ZNG1F: variants seen among roughly 807,000 people sequenced by gnomAD.
The protein encoded by ZNG1F is zinc-regulated GTPase metalloprotein activator 1F.
chr9:41,148,963 AC>A, the ZNG1F span, among the ~76,000 whole-genome samples: 1 of 70,876 alleles, frequency 1.4e-5, no homozygotes, highest in African/African-American at 6.2e-5. Context: ...TAATCCCAGC[AC>A]TTTGGGAGGC....
chr9:41,169,079 C>T, the ZNG1F span, among the ~76,000 whole-genome samples: 1 of 144,816 alleles, frequency 6.9e-6, no homozygotes, highest in African/African-American at 2.6e-5. Context: ...TAATCATATA[C>T]AATTATAGCA....
chr9:41,183,661 C>T, the ZNG1F span: 7 of 1,605,818 alleles, frequency 4.4e-6, 1 homozygote, highest in African/African-American at 2.7e-5. Context: ...AGCGCACTTC[C>T]TAGAATAAAT....
At chr9:41,153,115 T>A in the ZNG1F span, among the ~76,000 whole-genome samples, 1 of 2,462 alleles carries the variant, frequency 4.1e-4, no homozygotes, top group African/African-American at 5.6e-4. Context: ...GCAAGACTAA[T>A]AAAGAAAAAA....
At chr9:41,193,759 G>T in the ZNG1F span, among the ~76,000 whole-genome samples, 1 of 151,836 alleles carries the variant, frequency 6.6e-6, no homozygotes, top group African/African-American at 2.4e-5. Flanking sequence ...AATTAGCTGG[G>T]TGTGGTGGCA....
the ZNG1F span, among the ~76,000 whole-genome samples, chr9:41,169,875 A>C: frequency 2.7e-4 from 39 of 142,768 alleles, no homozygotes; most frequent in Non-Finnish European, 4.7e-4. Context: ...AGAGAGAAAC[A>C]AAGGAACTCT....
At chr9:41,151,615 C>A in the ZNG1F span, among the ~76,000 whole-genome samples, 29 of 150,804 alleles carry the variant, frequency 1.9e-4, no homozygotes, top group South Asian at 6.4e-4. Flanking sequence ...GGTCGGGTTA[C>A]CCTCAAAGGG....
the ZNG1F span, among the ~76,000 whole-genome samples, chr9:41,205,236 C>T: frequency 1.5e-5 from 2 of 134,316 alleles, no homozygotes; most frequent in Non-Finnish European, 3.1e-5. Context: ...CTAGTAGCTT[C>T]CTGAGAAAAA....
the ZNG1F span, among the ~76,000 whole-genome samples, chr9:41,144,672 C>T: frequency 6.7e-6 from 1 of 148,438 alleles, no homozygotes; most frequent in Non-Finnish European, 1.5e-5. Context: ...ATCCCCCACT[C>T]CACCCCTCAG....
chr9:41,141,271 T>C, the ZNG1F span, among the ~76,000 whole-genome samples: 3 of 151,018 alleles, frequency 2.0e-5, no homozygotes, highest in Admixed American at 6.7e-5. Flanking sequence ...TCATAGTTGG[T>C]TCTAATAATA....
At chr9:41,183,684 A>G in the ZNG1F span, 1 of 1,606,498 alleles carries the variant, frequency 6.2e-7, no homozygotes, top group East Asian at 2.2e-5. Context: ...CAAACAATAA[A>G]TAAACAAACT....
the ZNG1F span, chr9:41,183,564 T>A: frequency 6.3e-7 from 1 of 1,592,752 alleles, no homozygotes; most frequent in Non-Finnish European, 8.5e-7. Context: ...CATTCCTCAC[T>A]TCACTGAACA....
chr9:41,196,742 A>G, the ZNG1F span, among the ~76,000 whole-genome samples: 151 of 81,528 alleles, frequency 1.9e-3, 14 homozygotes, highest in East Asian at 0.05. Flanking sequence ...GTATGTGTAT[A>G]TATATAGTAT....
At chr9:41,201,505 A>C in the ZNG1F span, among the ~76,000 whole-genome samples, 4 of 147,540 alleles carry the variant, frequency 2.7e-5, no homozygotes. Context: ...ATGGATGGAA[A>C]ATTTTAAATA....
At chr9:41,139,057 G>T in the ZNG1F span, among the ~76,000 whole-genome samples, 1 of 113,716 alleles carries the variant, frequency 8.8e-6, no homozygotes, top group South Asian at 3.3e-4. Context: ...ACCTTGTTTT[G>T]TCATACTACC....
chr9:41,139,697 C>T, the ZNG1F span, among the ~76,000 whole-genome samples: 1 of 151,860 alleles, frequency 6.6e-6, no homozygotes, highest in Non-Finnish European at 1.5e-5. Flanking sequence ...GTCACAGCAG[C>T]CAAGACACTA....
the ZNG1F span, among the ~76,000 whole-genome samples, chr9:41,159,143 C>G: frequency 6.6e-6 from 1 of 150,792 alleles, no homozygotes; most frequent in African/African-American, 2.4e-5. Context: ...GGTGGAATTG[C>G]AGCTACTGCT....
At chr9:41,199,737 C>T in the ZNG1F span, among the ~76,000 whole-genome samples, 1 of 152,046 alleles carries the variant, frequency 6.6e-6, no homozygotes, top group Admixed American at 6.6e-5. Flanking sequence ...GAGGGACCCA[C>T]CCCTACAGCA....
chr9:41,154,485 A>C, the ZNG1F span, among the ~76,000 whole-genome samples: 1 of 138,800 alleles, frequency 7.2e-6, no homozygotes, highest in Non-Finnish European at 1.6e-5. Flanking sequence ...GACTTTCTTC[A>C]CAGAATTGGA....
At chr9:41,154,756 A>T in the ZNG1F span, among the ~76,000 whole-genome samples, 1 of 150,204 alleles carries the variant, frequency 6.7e-6, no homozygotes, top group African/African-American at 2.5e-5. Flanking sequence ...CAGTGGGGAA[A>T]GATTCCCTAT....
Sources: allele counts gnomAD v4.1 joint callset (sites outside exome capture counted in the v4.1 genomes callset), GRCh38; gene constraint gnomAD v4.1.1; transcripts MANE v1.5; gene names NCBI Gene and HGNC (gene_info 2026-07-23, HGNC 2026-07-21).